Variants in KIRREL3 observed in about 807,000 individuals in gnomAD.
KIRREL3 encodes kirre like nephrin family adhesion molecule 3.
A neutral mutation model predicts 89.7 loss-of-function variants in KIRREL3; 36 were observed. That is an observed-to-expected ratio of 0.40 (90% CI 0.31 to 0.53). The LOEUF (loss-of-function observed/expected upper bound fraction) is 0.53. Ranked by LOEUF, KIRREL3 falls within the 20% of genes least tolerant of loss-of-function variation. The probability of loss-of-function intolerance (pLI) is 0.49; values close to 1 mark genes in which losing one functional copy is unlikely to be tolerated. For synonymous variants in KIRREL3, 445 were observed against 441.4 expected (o/e 1.01, Z -0.10); for missense variants, 864 against 1,056.6 (o/e 0.82, Z 2.53).
chr11:126,814,000 T>G (rs1951478430), intron 1 of KIRREL3, among the ~76,000 whole-genome samples: 1 of 152,146 alleles, frequency 6.6e-6, no homozygotes, highest in South Asian at 2.1e-4. Context: ...GAGAAAATTT[T>G]TGCAGTCTAT....
rs1000228901 is a variant in KIRREL3 at position 126,997,469 on chromosome 11, A to G, written c.55+2986T>C. Among the ~76,000 whole-genome samples the G allele has an allele frequency of 6.6e-6, 1 of 152,126 alleles. No homozygotes were observed. On this transcript the variant is annotated intron_variant, in intron 1 of 16. Coordinates refer to ENST00000525144, the MANE Select transcript of KIRREL3 (RefSeq NM_032531.4). The surrounding 1 kb of genome is among the most constrained non-coding windows in gnomAD (Gnocchi z 4.3). Reference sequence around the variant, plus strand: ...CGGGGGTGGAATCGGGAGGAATGTTATTTAGCCTTACTACTGCCACCTTAA... The same window carrying G: ...CGGGGGTGGAATCGGGAGGAATGTTGTTTAGCCTTACTACTGCCACCTTAA...
Position 126,989,756 on chromosome 11 carries a change from G to C in KIRREL3, c.55+10699C>G, listed in dbSNP as rs182245123. 1.1e-4 allele frequency among the ~76,000 whole-genome samples: 17 copies of C among 152,316 alleles called. No individual in the cohort carries two copies. Among genetic ancestry groups the C allele is most frequent in the African/African-American group, 3.8e-4 (16 of 41,590 alleles). ...TCTTAGGGCCAACAGGGTTCCCCCG[G>C]TGTCTCTCCTGCAGCATGAAGGCCA... On this transcript the variant is annotated intron_variant, in intron 1 of 16. Coordinates refer to ENST00000525144, the MANE Select transcript of KIRREL3 (RefSeq NM_032531.4). The surrounding 1 kb of genome is among the most constrained non-coding windows in gnomAD (Gnocchi z 6.2).
rs913650659 is a variant in KIRREL3 at position 126,783,593 on chromosome 11, C to A, written c.55+216862G>T. Among the ~76,000 whole-genome samples the A allele has an allele frequency of 2.0e-5, 3 of 152,084 alleles. No individual in the cohort carries two copies. In the East Asian group the frequency reaches 5.8e-4, roughly 29 times the overall value. ...GACCAAAGATGGCATGCTTTAGCAA[C>A]AAAATAGTGTTGGAGGATAATCCAA... On this transcript the variant is annotated intron_variant, in intron 1 of 16. Transcript: ENST00000525144. This position sits in a 1 kb window ranked among gnomAD's most constrained non-coding sequence, Gnocchi z 4.3.
intron 11 of KIRREL3, among the ~76,000 whole-genome samples, chr11:126,439,754 G>T (rs531508068): frequency 1.3e-5 from 2 of 151,786 alleles, no homozygotes; most frequent in East Asian, 4.0e-4. Context: ...GGAGGTGGAG[G>T]TTGCAGTGAG....
At position 126,989,306 on chromosome 11, in the gene KIRREL3, C is replaced by T. The variant is rs1949957872; in HGVS notation, c.55+11149G>A. On this transcript the variant is annotated intron_variant, in intron 1 of 16. Transcript: ENST00000525144. The surrounding 1 kb of genome is among the most constrained non-coding windows in gnomAD (Gnocchi z 6.2). Reference sequence around the variant, plus strand: ...AGCAATCCTGCCTTCAGCCCAACTCCACTGCCCAGAAAGGCTGGCACTGTG... The same window carrying T: ...AGCAATCCTGCCTTCAGCCCAACTCTACTGCCCAGAAAGGCTGGCACTGTG... Among the ~76,000 whole-genome samples the T allele has an allele frequency of 6.6e-6, 1 of 152,200 alleles. No individual in the cohort carries two copies. The highest frequency in any genetic ancestry group is 1.5e-5 in the Non-Finnish European group (1 of 68,038).
At chr11:126,637,846 C>T (rs1334470356) in intron 1 of KIRREL3, among the ~76,000 whole-genome samples, 3 of 152,162 alleles carry the variant, frequency 2.0e-5, no homozygotes, top group African/African-American at 7.2e-5. Flanking sequence ...TAGCACTGGG[C>T]TTTAAGGACA....
Position 126,856,555 on chromosome 11 carries a change from G to GTATA in KIRREL3, c.55+143896_55+143899dup, listed in dbSNP as rs36218965. The stretch of plus-strand genomic sequence containing the variant: ...GTATTTTCTGATAACATTTTTCTAA[G>GTATA]TATATATATATATATATATATATAT... On this transcript the variant is annotated intron_variant, in intron 1 of 16. Coordinates refer to ENST00000525144, the MANE Select transcript of KIRREL3 (RefSeq NM_032531.4). 7.7e-3 allele frequency among the ~76,000 whole-genome samples: 1,054 copies of GTATA among 136,284 alleles called. 10 individuals are homozygous for GTATA. Among genetic ancestry groups the GTATA allele is most frequent in the Non-Finnish European group, 0.011 (684 of 63,760 alleles). 89.4% of individuals were successfully genotyped at this position (136,284 alleles called of 152,430 possible).
intron 2 of KIRREL3, among the ~76,000 whole-genome samples, chr11:126,534,890 A>G (rs1937715431): frequency 1.3e-5 from 2 of 152,104 alleles, no homozygotes; most frequent in Non-Finnish European, 2.9e-5. Flanking sequence ...GCTGGGAACA[A>G]TAAAGGGGAG....
intron 1 of KIRREL3, among the ~76,000 whole-genome samples, chr11:126,826,271 C>T (rs1031270061): frequency 1.3e-5 from 2 of 152,130 alleles, no homozygotes; most frequent in Admixed American, 6.5e-5. Context: ...ACCTAACTGT[C>T]TGTCCGGAAA....
At chr11:126,458,964 G>C (rs751195) in intron 6 of KIRREL3, among the ~76,000 whole-genome samples, 93,948 of 152,044 alleles carry the variant, frequency 0.62, 29,397 homozygotes, top group East Asian at 0.82. Context: ...GGCTGATCTG[G>C]GCGTCCGTGG....
chr11:126,737,776 G>A (rs1948853986), intron 1 of KIRREL3, among the ~76,000 whole-genome samples: 1 of 152,208 alleles, frequency 6.6e-6, no homozygotes, highest in South Asian at 2.1e-4. Flanking sequence ...TGGGGTACCT[G>A]TGATGTTTTG....
upstream of KIRREL3, chr11:127,002,877 G>C (rs1472488233): frequency 6.6e-6 from 1 of 152,122 alleles, no homozygotes; most frequent in Non-Finnish European, 1.5e-5. Context: ...CAATAATCAG[G>C]CACACGTACA....
At chr11:126,692,217 G>A (rs749080043) in intron 1 of KIRREL3, among the ~76,000 whole-genome samples, 13 of 152,038 alleles carry the variant, frequency 8.6e-5, no homozygotes, top group Non-Finnish European at 1.3e-4. Flanking sequence ...GCACACCCAC[G>A]TTCACAGCCA....
chr11:126,650,105 G>A (rs928810448), intron 1 of KIRREL3, among the ~76,000 whole-genome samples: 12 of 152,320 alleles, frequency 7.9e-5, no homozygotes, highest in South Asian at 2.1e-4. Context: ...TGGCTGTAGC[G>A]GCTGGGATGC....
Position 126,748,908 on chromosome 11 carries a change from CAGT to C in KIRREL3, c.56-185999_56-185997del, listed in dbSNP as rs1343433011. Reference sequence around the variant, plus strand: ...TTTGCAAGACCAAGTAATTCCTTCTCAGTTCATTGCCTCGTAGGTGGGAGAGCC... The same window carrying C: ...TTTGCAAGACCAAGTAATTCCTTCTCTCATTGCCTCGTAGGTGGGAGAGCC... On this transcript the variant is annotated intron_variant, in intron 1 of 16. Transcript: ENST00000525144. The surrounding 1 kb of genome is among the most constrained non-coding windows in gnomAD (Gnocchi z 4.6). Among the ~76,000 whole-genome samples, 1 of 152,196 alleles carries C rather than the reference CAGT, an allele frequency of 6.6e-6. No homozygotes were observed. The highest frequency in any genetic ancestry group is 6.5e-5 in the Admixed American group (1 of 15,278).
chr11:126,645,966 C>T lies in KIRREL3; in HGVS notation c.56-83054G>A, dbSNP rs1218920945. 2.0e-5 allele frequency among the ~76,000 whole-genome samples: 3 copies of T among 152,180 alleles called. No homozygotes were observed. The highest frequency in any genetic ancestry group is 2.9e-5 in the Non-Finnish European group (2 of 68,040). On this transcript the variant is annotated intron_variant, in intron 1 of 16. Coordinates refer to ENST00000525144, the MANE Select transcript of KIRREL3 (RefSeq NM_032531.4). This position sits in a 1 kb window ranked among gnomAD's most constrained non-coding sequence, Gnocchi z 4.9. ...TTTTGTTGATACTCAAATACATAGG[C>T]GGCACTCGGAATGATGTACGAGTAC...
In KIRREL3 at chr11:126,605,772, G is replaced by A. The variant is rs1007131400; in HGVS notation, c.56-42860C>T. 1.3e-5 allele frequency among the ~76,000 whole-genome samples: 2 copies of A among 152,220 alleles called. No individual in the cohort carries two copies. The highest frequency in any genetic ancestry group is 2.4e-5 in the African/African-American group (1 of 41,464). On this transcript the variant is annotated intron_variant, in intron 1 of 16. Coordinates refer to ENST00000525144, the MANE Select transcript of KIRREL3 (RefSeq NM_032531.4). The surrounding 1 kb of genome is among the most constrained non-coding windows in gnomAD (Gnocchi z 5.7). Reference sequence around the variant, plus strand: ...GGGAATGGGGTGGGGAAAGCATGGGGCATATGGGTAGAGAGTGAGGTCTGG... The same window carrying A: ...GGGAATGGGGTGGGGAAAGCATGGGACATATGGGTAGAGAGTGAGGTCTGG...
intron 1 of KIRREL3, among the ~76,000 whole-genome samples, chr11:126,846,058 A>G (rs1944130802): frequency 6.6e-6 from 1 of 152,180 alleles, no homozygotes; most frequent in East Asian, 1.9e-4. Context: ...GCATTGTGTT[A>G]TCTGATGGTT....
At chr11:126,464,345 C>CAAAAAAAAAAA (rs59100386) in intron 5 of KIRREL3, among the ~76,000 whole-genome samples, 1 of 94,882 alleles carries the variant, frequency 1.1e-5, no homozygotes, top group East Asian at 2.9e-4. Flanking sequence ...CTGTCACTAC[C>CAAAAAAAAAAA]AAAAAAAAAA....
Sources: allele counts gnomAD v4.1 joint callset (sites outside exome capture counted in the v4.1 genomes callset), GRCh38; gene constraint gnomAD v4.1.1; non-coding constraint Gnocchi (gnomAD v3.1); transcripts MANE v1.5; gene names NCBI Gene and HGNC (gene_info 2026-07-23, HGNC 2026-07-21).